GALNTL6: variants seen among roughly 807,000 people sequenced by gnomAD.
GALNTL6 encodes polypeptide N-acetylgalactosaminyltransferase like 6, also known as polypeptide N-acetylgalactosaminyltransferase-like 6.
A neutral mutation model predicts 73.7 loss-of-function variants in GALNTL6; 46 were observed. The observed-to-expected ratio is 0.62, with a 90% CI of 0.49 to 0.80. GALNTL6 has a LOEUF of 0.80. Ranked by LOEUF, GALNTL6 falls within the 30% of genes least tolerant of loss-of-function variation. The pLI is 0.00. For missense variants in GALNTL6, 604 were observed against 755.0 expected, an observed-to-expected ratio of 0.80 and a Z score of 2.34; for synonymous variants, 259 against 263.7, an observed-to-expected ratio of 0.98 and a Z score of 0.17.
rs79164184 is a variant in GALNTL6, at chr4:172,728,742, G to A, written c.554-80619G>A. 4.6e-3 allele frequency among the ~76,000 whole-genome samples: 695 copies of A among 152,242 alleles called. 5 individuals are homozygous for A. Among genetic ancestry groups the A allele is most frequent in the African/African-American group, 0.016 (650 of 41,546 alleles). On this transcript the variant is annotated intron_variant, in intron 5 of 12. Transcript: ENST00000506823. ...TACCTTTCTCTCAGATATATACACCGTAGTAGAATTGCTAGACAATATGAA... is the reference window on the plus strand; with the variant it reads ...TACCTTTCTCTCAGATATATACACCATAGTAGAATTGCTAGACAATATGAA...
intron 2 of GALNTL6, among the ~76,000 whole-genome samples, chr4:172,176,356 A>AAAAAAAAAAAAAAAAAT: frequency 6.7e-6 from 1 of 149,466 alleles, no homozygotes; most frequent in African/African-American, 2.4e-5. Context: ...AAAAAAAAAA[A>AAAAAAAAAAAAAAAAAT]GAGTGTATTC....
At chr4:172,115,679 G>T (rs531665124) in intron 2 of GALNTL6, among the ~76,000 whole-genome samples, 6 of 152,214 alleles carry the variant, frequency 3.9e-5, no homozygotes, top group African/African-American at 1.4e-4. Flanking sequence ...TTACGGGAAT[G>T]ACATGGAATT....
chr4:172,976,266 C>G lies in GALNTL6; in HGVS notation c.1371+24008C>G, dbSNP rs113722836. ...CAATCTAAGTTAGTCATTAAAAGAT[C>G]AAAATAATCAGTCATTTTCTGGTAT... On this transcript the variant is annotated intron_variant, in intron 10 of 12. Coordinates refer to ENST00000506823, the MANE Select transcript of GALNTL6 (RefSeq NM_001034845.3). 8.3e-4 allele frequency among the ~76,000 whole-genome samples: 126 copies of G among 152,298 alleles called. 1 individual carries two copies. Among genetic ancestry groups the G allele is most frequent in the East Asian group, 8.1e-3 (42 of 5,186 alleles).
intron 3 of GALNTL6, among the ~76,000 whole-genome samples, chr4:172,233,637 T>C (rs1737146445): frequency 6.6e-6 from 1 of 152,144 alleles, no homozygotes; most frequent in African/African-American, 2.4e-5. Flanking sequence ...ATCCCTGTGC[T>C]AATACCATAA....
chr4:172,253,592 C>T (rs921213433), intron 3 of GALNTL6, among the ~76,000 whole-genome samples: 1 of 151,870 alleles, frequency 6.6e-6, no homozygotes, highest in Non-Finnish European at 1.5e-5. Flanking sequence ...GAATAGCAAC[C>T]AGTATAATGG....
chr4:172,444,577 A>T (rs1329970129), intron 5 of GALNTL6, among the ~76,000 whole-genome samples: 2 of 152,202 alleles, frequency 1.3e-5, no homozygotes, highest in Non-Finnish European at 2.9e-5. Flanking sequence ...GAAAAATGAG[A>T]ACAGTACCTT....
chr4:172,590,551 A>C (rs936783446), intron 5 of GALNTL6, among the ~76,000 whole-genome samples: 4 of 152,152 alleles, frequency 2.6e-5, no homozygotes, highest in Non-Finnish European at 4.4e-5. Context: ...CTCCCCCTCA[A>C]TTTAACAAAG....
intron 2 of GALNTL6, among the ~76,000 whole-genome samples, chr4:172,194,250 CTA>C (rs1735680662): frequency 6.6e-6 from 1 of 152,158 alleles, no homozygotes; most frequent in South Asian, 2.1e-4. Context: ...AGCTTGAAGA[CTA>C]TCTTGCTGAA....
chr4:172,553,052 G>T (rs989458836), intron 5 of GALNTL6, among the ~76,000 whole-genome samples: 6 of 152,046 alleles, frequency 3.9e-5, no homozygotes, highest in African/African-American at 9.7e-5. Flanking sequence ...GCCATCATCT[G>T]TATTGAACAT....
intron 5 of GALNTL6, among the ~76,000 whole-genome samples, chr4:172,351,043 G>T (rs989592269): frequency 6.6e-6 from 1 of 152,130 alleles, no homozygotes; most frequent in African/African-American, 2.4e-5. Context: ...TCAGTGAATT[G>T]TGTGCTCATG....
intron 2 of GALNTL6, among the ~76,000 whole-genome samples, chr4:171,837,205 CA>C (rs1482837438): frequency 1.3e-5 from 2 of 152,062 alleles, no homozygotes; most frequent in Non-Finnish European, 2.9e-5. Flanking sequence ...AGTGAAACAG[CA>C]GACATGCCCA....
At chr4:172,050,898 A>T (rs7687347) in intron 2 of GALNTL6, among the ~76,000 whole-genome samples, 57,859 of 151,960 alleles carry the variant, frequency 0.38, 11,199 homozygotes, top group Middle Eastern at 0.41. Context: ...GAAAGCAATG[A>T]GGAAAAAAGA....
chr4:172,395,736 C>T (rs1743826031), intron 5 of GALNTL6, among the ~76,000 whole-genome samples: 3 of 151,918 alleles, frequency 2.0e-5, no homozygotes, highest in Admixed American at 2.0e-4. Context: ...TGAAATATTA[C>T]AAATTTAAAG....
At chr4:172,579,129 T>C (rs1210488122) in intron 5 of GALNTL6, among the ~76,000 whole-genome samples, 2 of 152,178 alleles carry the variant, frequency 1.3e-5, no homozygotes, top group African/African-American at 4.8e-5. Flanking sequence ...CATCATCAAA[T>C]TACGTACTAT....
chr4:172,975,620 G>A (rs1179187696), intron 10 of GALNTL6, among the ~76,000 whole-genome samples: 1 of 152,180 alleles, frequency 6.6e-6, no homozygotes, highest in African/African-American at 2.4e-5. Context: ...CCAGGAGCCT[G>A]TCCCCTGCCG....
intron 5 of GALNTL6, among the ~76,000 whole-genome samples, chr4:172,773,221 T>TG (rs1738878935): frequency 6.6e-6 from 1 of 152,018 alleles, no homozygotes; most frequent in African/African-American, 2.4e-5. Flanking sequence ...AGTTTAGAGA[T>TG]GGGGGTCTCA....
At position 172,513,966 on chromosome 4, in the gene GALNTL6, G is replaced by A. The variant is rs974584533; in HGVS notation, c.553+165277G>A. On this transcript the variant is annotated intron_variant, in intron 5 of 12. Transcript: ENST00000506823. Reference sequence around the variant, plus strand: ...CAAGATGTTACAGGTGGTAAAGTTAGCTGTTGTTTTTCTCCTTTGTGGGGC... The same window carrying A: ...CAAGATGTTACAGGTGGTAAAGTTAACTGTTGTTTTTCTCCTTTGTGGGGC... Among the ~76,000 whole-genome samples the A allele has an allele frequency of 9.8e-5, 15 of 152,316 alleles. No individual in the cohort carries two copies. In the South Asian group the frequency reaches 3.1e-3, roughly 32 times the overall value.
At chr4:172,913,556 T>C (rs1194515579) in intron 8 of GALNTL6, among the ~76,000 whole-genome samples, 4 of 152,150 alleles carry the variant, frequency 2.6e-5, no homozygotes, top group South Asian at 2.1e-4. Context: ...AATGACCTGA[T>C]GGAGCTGAAA....
intron 2 of GALNTL6, among the ~76,000 whole-genome samples, chr4:172,101,024 A>C (rs908078289): frequency 1.3e-5 from 2 of 152,192 alleles, no homozygotes; most frequent in African/African-American, 4.8e-5. Context: ...TCAGTAAAAC[A>C]TATTGATAGG....
Sources: allele counts gnomAD v4.1 joint callset (sites outside exome capture counted in the v4.1 genomes callset), GRCh38; gene constraint gnomAD v4.1.1; transcripts MANE v1.5; gene names NCBI Gene and HGNC (gene_info 2026-07-23, HGNC 2026-07-21).